ERBB4: variants seen among roughly 807,000 people sequenced by gnomAD.
ERBB4 encodes receptor tyrosine-protein kinase erbB-4.
A neutral mutation model predicts 158.0 loss-of-function variants in ERBB4; 42 were observed. That is an observed-to-expected ratio of 0.27 (90% CI 0.21 to 0.34). The LOEUF (loss-of-function observed/expected upper bound fraction) is 0.34. Among genes scored for constraint, ERBB4 ranks in the 10% least tolerant of loss-of-function variants. ERBB4 has a pLI of 1.00. For missense variants in ERBB4, 1,333 were observed against 1,624.1 expected (o/e 0.82, Z 3.08); for synonymous variants, 583 against 558.7 (o/e 1.04, Z -0.61).
intron 1 of ERBB4, among the ~76,000 whole-genome samples, chr2:212,274,789 ACACTTT>A (rs967702280): frequency 2.0e-5 from 3 of 151,752 alleles, no homozygotes; most frequent in Admixed American, 2.0e-4. Flanking sequence ...TTTTTTTATT[ACACTTT>A]AAGTTCTGGG....
chr2:211,999,658 C>G (rs2076058905), intron 2 of ERBB4, among the ~76,000 whole-genome samples: 1 of 151,762 alleles, frequency 6.6e-6, no homozygotes, highest in South Asian at 2.1e-4. Flanking sequence ...TGTAATTAAT[C>G]ATGCTCATTC....
intron 1 of ERBB4, among the ~76,000 whole-genome samples, chr2:212,171,727 C>T (rs1295393028): frequency 6.6e-6 from 1 of 152,156 alleles, no homozygotes; most frequent in African/African-American, 2.4e-5. Flanking sequence ...CCTGCTGCCA[C>T]GTAAGACACG....
intron 1 of ERBB4, among the ~76,000 whole-genome samples, chr2:212,168,336 T>C (rs567763816): frequency 2.6e-5 from 4 of 152,292 alleles, no homozygotes; most frequent in Admixed American, 6.5e-5. Flanking sequence ...GTGTGTTCTA[T>C]GAAATGAATG....
intron 1 of ERBB4, among the ~76,000 whole-genome samples, chr2:212,198,953 A>T (rs2082512665): frequency 1.3e-5 from 2 of 151,968 alleles, no homozygotes; most frequent in Admixed American, 6.6e-5. Context: ...ACTATTATGA[A>T]CAATGCTGCT....
chr2:211,551,076 T>TA (rs886813254), intron 20 of ERBB4, among the ~76,000 whole-genome samples: 23 of 151,926 alleles, frequency 1.5e-4, no homozygotes, highest in South Asian at 2.1e-4. Flanking sequence ...GCTTTTTAAT[T>TA]AAAAAAAATT....
At position 211,758,354 on chromosome 2, in the gene ERBB4, G is replaced by A. The variant is rs142808970; in HGVS notation, c.557-7650C>T. On this transcript the variant is annotated intron_variant, in intron 4 of 27. Transcript: ENST00000342788. ...ACATTAAAAGGTCTTAATGCTTTTT[G>A]GAAAAGTCATATGTTAATAACAAAA... 1.1e-3 allele frequency among the ~76,000 whole-genome samples: 174 copies of A among 152,096 alleles called. 1 individual carries two copies. The highest frequency in any genetic ancestry group is 3.8e-3 in the African/African-American group (156 of 41,504).
chr2:211,963,152 TC>T (rs1344662326), intron 2 of ERBB4, among the ~76,000 whole-genome samples: 1 of 152,102 alleles, frequency 6.6e-6, no homozygotes, highest in Non-Finnish European at 1.5e-5. Context: ...TGTTTTGCTT[TC>T]CAGAAGACAT....
intron 3 of ERBB4, among the ~76,000 whole-genome samples, chr2:211,921,234 T>G (rs1026191652): frequency 6.6e-6 from 1 of 152,056 alleles, no homozygotes; most frequent in East Asian, 1.9e-4. Context: ...GAAATTGCTT[T>G]TATTCAAGCT....
intron 1 of ERBB4, among the ~76,000 whole-genome samples, chr2:212,382,828 G>GT (rs1321328446): frequency 2.6e-5 from 4 of 151,020 alleles, no homozygotes; most frequent in Admixed American, 6.6e-5. Flanking sequence ...AATTTATCAT[G>GT]TTTTTTCTTT....
intron 1 of ERBB4, among the ~76,000 whole-genome samples, chr2:212,126,261 CCCAA>C (rs2079923254): frequency 1.3e-5 from 2 of 151,862 alleles, no homozygotes; most frequent in South Asian, 4.2e-4. Flanking sequence ...GTCAGGAGTT[CCCAA>C]CCTAGCCAAC....
At chr2:211,719,957 A>C (rs2074041925) in intron 7 of ERBB4, among the ~76,000 whole-genome samples, 1 of 152,072 alleles carries the variant, frequency 6.6e-6, no homozygotes, top group African/African-American at 2.4e-5. Flanking sequence ...TAATGAAGTC[A>C]CATTTAAGGG....
In ERBB4 at chr2:212,134,676, C is replaced by CTTTTTTTTTTTTTTTTTTTTT. The variant is rs869141215; in HGVS notation, c.83-9794_83-9774dup. Among the ~76,000 whole-genome samples the CTTTTTTTTTTTTTTTTTTTTT allele has an allele frequency of 2.9e-5, 2 of 69,056 alleles. 1 individual carries two copies. Among genetic ancestry groups the CTTTTTTTTTTTTTTTTTTTTT allele is most frequent in the Non-Finnish European group, 5.1e-5 (2 of 39,254 alleles). The allele number at this position is 69,056 out of a possible 152,430, so 45.3% of individuals were successfully genotyped here. ...ACTGCTGAAATTAACTAAACACTTTCTTTTTTTTTTTTTTTTTTTTTTTTT... is the reference window on the plus strand; with the variant it reads ...ACTGCTGAAATTAACTAAACACTTTCTTTTTTTTTTTTTTTTTTTTTTTTTTTTTTTTTTTTTTTTTTTTTT... On this transcript the variant is annotated intron_variant, in intron 1 of 27. Coordinates refer to ENST00000342788, the MANE Select transcript of ERBB4 (RefSeq NM_005235.3).
intron 20 of ERBB4, among the ~76,000 whole-genome samples, chr2:211,477,132 C>T (rs2064973764): frequency 6.6e-6 from 1 of 152,038 alleles, no homozygotes; most frequent in Non-Finnish European, 1.5e-5. Flanking sequence ...GCAGTTAAAA[C>T]ATTAATAGAA....
At chr2:211,562,961 C>T (rs563864871) in intron 19 of ERBB4, among the ~76,000 whole-genome samples, 10 of 151,910 alleles carry the variant, frequency 6.6e-5, no homozygotes, top group Admixed American at 5.9e-4. Flanking sequence ...TTAGTAGAGA[C>T]GGGGTTTCAC....
intron 3 of ERBB4, among the ~76,000 whole-genome samples, chr2:211,820,234 C>G (rs538336003): frequency 1.3e-5 from 2 of 151,938 alleles, no homozygotes; most frequent in East Asian, 3.9e-4. Context: ...ACAGCAGCAA[C>G]AACTGAGAAT....
At chr2:211,384,740 A>G (rs576806651) in intron 27 of ERBB4, among the ~76,000 whole-genome samples, 5 of 152,296 alleles carry the variant, frequency 3.3e-5, no homozygotes, top group African/African-American at 1.2e-4. Flanking sequence ...GTATAATTAT[A>G]ATATTTCCAT....
At chr2:212,059,970 C>T (rs2077709519) in intron 2 of ERBB4, among the ~76,000 whole-genome samples, 1 of 152,132 alleles carries the variant, frequency 6.6e-6, no homozygotes, top group African/African-American at 2.4e-5. Flanking sequence ...AGAGCTTCTG[C>T]ACAGCAAAAG....
intron 2 of ERBB4, among the ~76,000 whole-genome samples, chr2:212,012,651 G>A (rs564676127): frequency 6.6e-6 from 1 of 152,212 alleles, no homozygotes; most frequent in South Asian, 2.1e-4. Flanking sequence ...CTGACCCTGT[G>A]ATCCACCCAC....
At chr2:212,191,929 TATTA>T (rs1326784351) in intron 1 of ERBB4, among the ~76,000 whole-genome samples, 2 of 119,160 alleles carry the variant, frequency 1.7e-5, no homozygotes, top group East Asian at 5.0e-4. Flanking sequence ...ATATGTTATA[TATTA>T]TATATGATGC....
Sources: gnomAD v4.1 joint callset for allele counts (sites outside exome capture counted in the v4.1 genomes callset) on GRCh38, gnomAD v4.1.1 for gene constraint, MANE v1.5 for transcripts, NCBI Gene and HGNC (gene_info 2026-07-23, HGNC 2026-07-21) for gene names.